Variants in KDM4C observed in about 807,000 individuals in gnomAD.
The protein encoded by KDM4C is lysine-specific demethylase 4C.
Under a neutral mutation model 129.3 loss-of-function variants are expected in KDM4C, and 81 were observed. The observed-to-expected ratio is 0.63, with a 90% CI of 0.52 to 0.75. The LOEUF (loss-of-function observed/expected upper bound fraction) is 0.75, where lower values mean the gene tolerates loss of function less well. Ranked by LOEUF, KDM4C falls within the 30% of genes least tolerant of loss-of-function variation. The pLI, the probability that KDM4C is intolerant of heterozygous loss-of-function variation, is 0.00. For missense variants in KDM4C, 1,457 were observed against 1,304.0 expected (o/e 1.12, Z -1.81); for synonymous variants, 573 against 456.1 (o/e 1.26, Z -3.26).
intron 15 of KDM4C, among the ~76,000 whole-genome samples, chr9:7,021,132 GTGTGTGTGTATA>G (rs2132255306): frequency 8.7e-6 from 1 of 114,408 alleles, no homozygotes; most frequent in African/African-American, 3.3e-5. Flanking sequence ...GTGTGTGTGT[GTGTGTGTGTATA>G]TATATATATG....
chr9:7,110,522 C>T (rs1383253989), intron 18 of KDM4C, among the ~76,000 whole-genome samples: 1 of 152,102 alleles, frequency 6.6e-6, no homozygotes, highest in Non-Finnish European at 1.5e-5. Flanking sequence ...CTTAACTCTT[C>T]CTAGGTTTGT....
intron 8 of KDM4C, among the ~76,000 whole-genome samples, chr9:6,947,641 C>G (rs1209023750): frequency 2.0e-5 from 3 of 152,088 alleles, no homozygotes; most frequent in Non-Finnish European, 4.4e-5. Context: ...TAGTTTTCCT[C>G]TAGGTCCTTG....
intron 12 of KDM4C, among the ~76,000 whole-genome samples, chr9:6,997,590 C>T (rs1820001041): frequency 6.6e-6 from 1 of 152,230 alleles, no homozygotes; most frequent in Non-Finnish European, 1.5e-5. Flanking sequence ...CAAGCAGTTG[C>T]AAAATCTTTG....
intron 8 of KDM4C, among the ~76,000 whole-genome samples, chr9:6,957,875 A>G (rs1246780831): frequency 6.6e-6 from 1 of 152,184 alleles, no homozygotes; most frequent in Non-Finnish European, 1.5e-5. Flanking sequence ...TGGACAATAA[A>G]ACACAATTCG....
chr9:7,087,824 T>C (rs1318342336), intron 17 of KDM4C, among the ~76,000 whole-genome samples: 1 of 152,240 alleles, frequency 6.6e-6, no homozygotes, highest in East Asian at 1.9e-4. Context: ...CCACAAGAAG[T>C]ATAGCTTCTA....
chr9:7,129,172 A>G (rs1239143128), intron 19 of KDM4C, among the ~76,000 whole-genome samples: 1 of 152,188 alleles, frequency 6.6e-6, no homozygotes, highest in East Asian at 1.9e-4. Context: ...AGATATTTTC[A>G]GCGACTTTTT....
At chr9:6,792,759 G>T (rs1262874572) in intron 1 of KDM4C, among the ~76,000 whole-genome samples, 1 of 152,088 alleles carries the variant, frequency 6.6e-6, no homozygotes. Context: ...TTCTCTACCT[G>T]GCATAGGGAA....
Position 7,128,205 on chromosome 9 carries a change from T to C in KDM4C, c.2750T>C (p.Phe917Ser). Residue 917 changes from phenylalanine to serine, a missense_variant, in exon 19 of 22, where the codon TTT becomes TCT. Physicochemically the swap from Phe to Ser is radical, Grantham distance 155. Transcript: ENST00000381309. ...FYEVMFDDGS[F>S]SRDTFPEDIV... Reference sequence around the variant, plus strand: ...GAGGTCATGTTTGATGATGGCTCCTTTAGCAGAGACACATTTCCTGAGGAT... The same window carrying C: ...GAGGTCATGTTTGATGATGGCTCCTCTAGCAGAGACACATTTCCTGAGGAT... The C allele has an allele frequency of 6.2e-7, 1 of 1,606,974 alleles. No individual in the cohort carries two copies. The highest frequency in any genetic ancestry group is 8.5e-7 in the Non-Finnish European group (1 of 1,176,718).
chr9:6,959,906 GA>G (rs1239866532), intron 8 of KDM4C, among the ~76,000 whole-genome samples: 2 of 152,032 alleles, frequency 1.3e-5, no homozygotes, highest in Non-Finnish European at 1.5e-5. Context: ...TGGTTACTAC[GA>G]AAGTGACAAC....
intron 20 of KDM4C, among the ~76,000 whole-genome samples, chr9:7,168,866 A>G (rs1844667497): frequency 6.6e-6 from 1 of 152,048 alleles, no homozygotes. Context: ...GTCAGACCTT[A>G]TCTCTACTAA....
chr9:7,122,825 C>G (rs1461043331), intron 18 of KDM4C, among the ~76,000 whole-genome samples: 1 of 152,096 alleles, frequency 6.6e-6, no homozygotes, highest in East Asian at 1.9e-4. Flanking sequence ...AAAGAAAATT[C>G]AAGTTTTACA....
At chr9:7,124,335 G>T (rs1247611759) in intron 18 of KDM4C, among the ~76,000 whole-genome samples, 1 of 152,194 alleles carries the variant, frequency 6.6e-6, no homozygotes. Context: ...GTTTGACAGA[G>T]AGGGCAACAT....
At chr9:6,749,069 G>GAGTTTTGCTCTTGTTGCGCC (rs1817983271) in intron 1 of KDM4C, 1 of 515,566 alleles carries the variant, frequency 1.9e-6, no homozygotes, top group South Asian at 1.8e-5. Context: ...GCCCAGGCTG[G>GAGTTTTGCTCTTGTTGCGCC]AGTGCAATGG....
chr9:6,986,670 T>C lies in KDM4C; in HGVS notation c.1677+4T>C. The stretch of plus-strand genomic sequence containing the variant: ...AAATAGCTTCAAAGTCCCCAGTGTA[T>C]GTGGCAATATCCATTTTTTACCATA... On this transcript the variant is annotated splice_donor_region_variant and intron_variant, in intron 11 of 21. Transcript: ENST00000381309. 1 of 1,585,966 alleles carries C rather than the reference T, an allele frequency of 6.3e-7. No homozygotes were observed. Among genetic ancestry groups the C allele is most frequent in the East Asian group, 2.3e-5 (1 of 44,400 alleles).
intron 8 of KDM4C, among the ~76,000 whole-genome samples, chr9:6,952,740 C>G (rs1233206691): frequency 6.6e-6 from 1 of 151,988 alleles, no homozygotes; most frequent in Non-Finnish European, 1.5e-5. Flanking sequence ...TGTGCCCGGC[C>G]CCAGAGTATG....
chr9:7,025,095 C>G (rs1185102708), intron 15 of KDM4C, among the ~76,000 whole-genome samples: 1 of 152,156 alleles, frequency 6.6e-6, no homozygotes, highest in Non-Finnish European at 1.5e-5. Flanking sequence ...CAGTTGACCT[C>G]TTTATTATTA....
intron 1 of KDM4C, among the ~76,000 whole-genome samples, chr9:6,739,008 C>T (rs1442107750): frequency 6.6e-6 from 1 of 152,102 alleles, no homozygotes; most frequent in Non-Finnish European, 1.5e-5. Flanking sequence ...TCCCAAAGTG[C>T]TGGGATTACG....
At chr9:7,056,005 T>C (rs1830815687) in intron 17 of KDM4C, among the ~76,000 whole-genome samples, 1 of 152,248 alleles carries the variant, frequency 6.6e-6, no homozygotes. Context: ...AAAAAGTCAG[T>C]ATGTTCCACA....
intron 15 of KDM4C, among the ~76,000 whole-genome samples, chr9:7,040,385 G>GTC (rs1368606890): frequency 7.5e-4 from 106 of 141,098 alleles, no homozygotes; most frequent in Middle Eastern, 3.5e-3. Flanking sequence ...GTGTGTGTGT[G>GTC]TGTGTGTGTG....
Sources: allele counts gnomAD v4.1 joint callset (sites outside exome capture counted in the v4.1 genomes callset), GRCh38; gene constraint gnomAD v4.1.1; transcripts MANE v1.5; gene names NCBI Gene and HGNC (gene_info 2026-07-23, HGNC 2026-07-21).